ACTR3B: variants seen among roughly 807,000 people sequenced by gnomAD.
ACTR3B encodes the protein actin related protein 3B.
ACTR3B carries 8 observed loss-of-function variants against 59.0 expected under a neutral mutation model. That is an observed-to-expected ratio of 0.14 (90% CI 0.08 to 0.24). ACTR3B has a LOEUF of 0.24. ACTR3B is among the 10% of genes least tolerant of loss of function. The pLI, the probability that ACTR3B is intolerant of heterozygous loss-of-function variation, is 1.00. For synonymous variants in ACTR3B, 148 were observed against 197.9 expected, an observed-to-expected ratio of 0.75 and a Z score of 2.12; for missense variants, 245 against 552.3, an observed-to-expected ratio of 0.44 and a Z score of 5.58.
intron 9 of ACTR3B, among the ~76,000 whole-genome samples, chr7:152,831,291 G>A (rs1797005641): frequency 6.6e-6 from 1 of 152,226 alleles, no homozygotes; most frequent in African/African-American, 2.4e-5. Flanking sequence ...TGGCAACATC[G>A]AGTAATGTCA....
intron 6 of ACTR3B, among the ~76,000 whole-genome samples, chr7:152,817,434 C>T (rs976115717): frequency 6.6e-6 from 1 of 151,914 alleles, no homozygotes; most frequent in Non-Finnish European, 1.5e-5. Context: ...TTTTGGCTTG[C>T]AGAAGGCTCT....
rs776822574 is a variant in ACTR3B at position 152,816,543 on chromosome 7, G to T, written c.495G>T (p.Gly165=). The change falls in exon 6 of 12, where the codon GGG becomes GGT. Residue 165 remains glycine, a synonymous_variant. Coordinates refer to ENST00000256001, the MANE Select transcript of ACTR3B (RefSeq NM_020445.6). ...SRQVGERTLT[G]IVIDSGDGVT... Reference sequence around the variant, plus strand: ...AAGTGGGTGAACGTACGTTAACGGGGATAGTCATTGACAGCGGAGATGGAG... The same window carrying T: ...AAGTGGGTGAACGTACGTTAACGGGTATAGTCATTGACAGCGGAGATGGAG... The T allele has an allele frequency of 3.3e-5, 53 of 1,606,072 alleles. No homozygotes were observed. Among genetic ancestry groups the T allele is most frequent in the Admixed American group, 3.2e-4 (19 of 59,208 alleles).
rs1361474545 is a variant in ACTR3B at position 152,854,727 on chromosome 7, G to A, written c.*174G>A. ...GCCCTTCAGTAAAAGCCATTTATCC[G>A]TGTGCCGACCGCTGTCTGCCAGCCT... On this transcript the variant is annotated 3_prime_UTR_variant, in exon 12 of 12. Transcript: ENST00000256001. This position sits in a 1 kb window ranked among gnomAD's most constrained non-coding sequence, Gnocchi z 4.9. The A allele has an allele frequency of 2.5e-5, 15 of 602,992 alleles. No individual in the cohort carries two copies. Among genetic ancestry groups the A allele is most frequent in the South Asian group, 1.1e-4 (5 of 47,470 alleles). 37.4% of individuals were successfully genotyped at this position (602,992 alleles called of 1,614,324 possible). A position where few individuals can be genotyped will look rare whatever the true frequency, so the allele number is the denominator to read the frequency against.
chr7:152,809,328 T>C (rs2116785937), intron 4 of ACTR3B, among the ~76,000 whole-genome samples: 1 of 151,532 alleles, frequency 6.6e-6, no homozygotes, highest in African/African-American at 2.4e-5. Flanking sequence ...AGTTGGTAGG[T>C]AGATTTGCTT....
At chr7:152,830,141 T>C (rs1157557808) in intron 9 of ACTR3B, among the ~76,000 whole-genome samples, 2 of 152,252 alleles carry the variant, frequency 1.3e-5, no homozygotes, top group Non-Finnish European at 2.9e-5. Context: ...AGCTGCCATC[T>C]GAGCTGAGTC....
At chr7:152,787,626 C>T (rs2098178995) in intron 2 of ACTR3B, among the ~76,000 whole-genome samples, 1 of 151,990 alleles carries the variant, frequency 6.6e-6, no homozygotes, top group Non-Finnish European at 1.5e-5. Flanking sequence ...GCTAGTTGTC[C>T]CAACACTATT....
intron 9 of ACTR3B, among the ~76,000 whole-genome samples, chr7:152,831,989 A>C (rs1738955406): frequency 6.6e-6 from 1 of 152,160 alleles, no homozygotes; most frequent in South Asian, 2.1e-4. Context: ...TAAGTTCTAG[A>C]AAAGTGCTTG....
intron 9 of ACTR3B, among the ~76,000 whole-genome samples, chr7:152,833,007 C>T (rs571480532): frequency 1.3e-5 from 2 of 152,132 alleles, no homozygotes; most frequent in Non-Finnish European, 2.9e-5. Context: ...AAGAAGGAGT[C>T]GCCTGAGAAG....
intron 1 of ACTR3B, among the ~76,000 whole-genome samples, chr7:152,770,577 T>A (rs1271915331): frequency 1.3e-5 from 2 of 151,908 alleles, no homozygotes; most frequent in South Asian, 4.2e-4. Flanking sequence ...ATATCTAAGA[T>A]AAGGCATTTC....
intron 9 of ACTR3B, among the ~76,000 whole-genome samples, chr7:152,843,784 T>A (rs1278984424): frequency 6.6e-6 from 1 of 152,212 alleles, no homozygotes; most frequent in Non-Finnish European, 1.5e-5. Context: ...TAAAGTTTTG[T>A]ATTAATGTTA....
At chr7:152,773,800 C>T (rs544961430) in intron 1 of ACTR3B, among the ~76,000 whole-genome samples, 1 of 152,278 alleles carries the variant, frequency 6.6e-6, no homozygotes, top group South Asian at 2.1e-4. Flanking sequence ...TTACACATTC[C>T]AGAAAACTTC....
At chr7:152,840,595 A>G (rs1226141558) in intron 9 of ACTR3B, among the ~76,000 whole-genome samples, 2 of 145,114 alleles carry the variant, frequency 1.4e-5, no homozygotes, top group Non-Finnish European at 3.0e-5. Flanking sequence ...CCCTGTCAGG[A>G]AAACGGGGTT....
chr7:152,825,605 C>T (rs1342668287), intron 9 of ACTR3B, among the ~76,000 whole-genome samples: 2 of 152,132 alleles, frequency 1.3e-5, no homozygotes, highest in South Asian at 2.1e-4. Context: ...ACATGAGCCA[C>T]CATGCCCGGC....
intron 11 of ACTR3B, 120 bp downstream of exon 11, chr7:152,853,697 A>G (rs2117032603): frequency 1.3e-5 from 10 of 790,778 alleles, no homozygotes; most frequent in South Asian, 1.7e-5. Context: ...TAAACAGACC[A>G]TTCTGTAAGA....
In ACTR3B at chr7:152,772,146, A is replaced by G. The variant is rs564260003; in HGVS notation, c.45-11041A>G. Among the ~76,000 whole-genome samples, 253 of 152,278 alleles carry G rather than the reference A, an allele frequency of 1.7e-3. 2 individuals are homozygous for G. The highest frequency in any genetic ancestry group is 5.9e-3 in the African/African-American group (247 of 41,538). On this transcript the variant is annotated intron_variant, in intron 1 of 11. Transcript: ENST00000256001. ...CAGGAAAAAAGCCAACAGGCCACCT[A>G]TAATGGAAAAAATAAAATCACCTTA...
intron 9 of ACTR3B, among the ~76,000 whole-genome samples, chr7:152,851,897 C>T (rs1406802263): frequency 1.3e-5 from 2 of 151,918 alleles, no homozygotes; most frequent in African/African-American, 4.8e-5. Context: ...TTTTGCTTTG[C>T]TGTAATTGAG....
intron 9 of ACTR3B, 91 bp from the exon 10 acceptor site, chr7:152,852,035 G>T: frequency 1.3e-6 from 2 of 1,549,412 alleles, no homozygotes; most frequent in Non-Finnish European, 1.8e-6. Context: ...GCCCACAAGC[G>T]ATTGGACCTG....
chr7:152,852,112 T>C lies in ACTR3B; in HGVS notation c.952-14T>C. The stretch of plus-strand genomic sequence containing the variant: ...CGGTTTTACCCAGGGCTCCCTCTGC[T>C]TTGTGTCTTGTAGAATGTCGTACTC... On this transcript the variant is annotated splice_polypyrimidine_tract_variant and intron_variant, in intron 9 of 11. Coordinates refer to ENST00000256001, the MANE Select transcript of ACTR3B (RefSeq NM_020445.6). 6.2e-7 allele frequency: 1 copy of C among 1,614,016 alleles called. No homozygotes were observed.
At chr7:152,850,682 C>T (rs1347998732) in intron 9 of ACTR3B, among the ~76,000 whole-genome samples, 2 of 152,212 alleles carry the variant, frequency 1.3e-5, no homozygotes, top group Admixed American at 1.3e-4. Context: ...GGCTGTCTTT[C>T]CCCAGAACAG....
Sources: gnomAD v4.1 joint callset for allele counts (sites outside exome capture counted in the v4.1 genomes callset) on GRCh38, gnomAD v4.1.1 for gene constraint, Gnocchi (gnomAD v3.1) non-coding constraint, MANE v1.5 for transcripts, NCBI Gene and HGNC (gene_info 2026-07-23, HGNC 2026-07-21) for gene names.